The following SLC24A2 variants were observed in gnomAD, a reference collection of about 807,000 sequenced individuals.
SLC24A2 encodes the protein sodium/potassium/calcium exchanger 2.
In SLC24A2, 36 loss-of-function variants were observed where a neutral mutation model predicts 62.0. The observed-to-expected ratio is 0.58, with a 90% CI of 0.44 to 0.77. SLC24A2 has a LOEUF of 0.77. Ranked by LOEUF, SLC24A2 falls within the 30% of genes least tolerant of loss-of-function variation. SLC24A2 has a pLI of 0.00. For synonymous variants in SLC24A2, 358 were observed against 294.0 expected (o/e 1.22, Z -2.23); for missense variants, 846 against 817.9 (o/e 1.03, Z -0.42).
the SLC24A2 span, among the ~76,000 whole-genome samples, chr9:19,979,425 G>A: frequency 6.6e-6 from 1 of 152,128 alleles, no homozygotes; most frequent in African/African-American, 2.4e-5. Context: ...TACACACATG[G>A]ATTTGGATAC....
At chr9:19,549,910 G>C (rs919598686) in intron 8 of SLC24A2, among the ~76,000 whole-genome samples, 3 of 152,170 alleles carry the variant, frequency 2.0e-5, no homozygotes, top group South Asian at 4.1e-4. Context: ...GTGTGATTGT[G>C]TGTCTGCTCA....
intron 9 of SLC24A2, among the ~76,000 whole-genome samples, chr9:19,526,123 G>A (rs1388314332): frequency 3.3e-5 from 5 of 151,986 alleles, no homozygotes; most frequent in Non-Finnish European, 2.9e-5. Context: ...TTTTGTAACT[G>A]GCTTTTTTCA....
chr9:20,255,924 A>G, the SLC24A2 span, among the ~76,000 whole-genome samples: 101,396 of 152,144 alleles, frequency 0.67, 36,340 homozygotes, highest in East Asian at 0.95. Flanking sequence ...ACTACAGACC[A>G]GGTAACTGAT....
intron 5 of SLC24A2, among the ~76,000 whole-genome samples, chr9:19,595,090 G>A (rs561526617): frequency 5.3e-5 from 8 of 152,208 alleles, no homozygotes; most frequent in African/African-American, 9.6e-5. Flanking sequence ...TTCAACCAGC[G>A]TTTCCACAAA....
chr9:20,124,306 T>TA, the SLC24A2 span, among the ~76,000 whole-genome samples: 298 of 140,386 alleles, frequency 2.1e-3, 1 homozygote, highest in African/African-American at 6.5e-3. Context: ...CCCAAAAGCT[T>TA]AAAAAAAAAA....
At chr9:19,764,874 A>C (rs1251636593) in intron 2 of SLC24A2, among the ~76,000 whole-genome samples, 2 of 151,702 alleles carry the variant, frequency 1.3e-5, no homozygotes, top group African/African-American at 2.4e-5. Context: ...TGTCTCATTG[A>C]TCTAATATTG....
intron 10 of SLC24A2, among the ~76,000 whole-genome samples, chr9:19,518,156 T>C: frequency 6.6e-6 from 1 of 152,192 alleles, no homozygotes; most frequent in East Asian, 1.9e-4. Flanking sequence ...AATAAAAAGC[T>C]GAGTATCTCT....
intron 2 of SLC24A2, among the ~76,000 whole-genome samples, chr9:19,777,413 G>T (rs1305146313): frequency 1.3e-5 from 2 of 152,164 alleles, no homozygotes; most frequent in African/African-American, 4.8e-5. Flanking sequence ...GATAAGCCTT[G>T]ACCCAGAAAT....
chr9:19,621,201 G>C (rs1817900458), intron 3 of SLC24A2, among the ~76,000 whole-genome samples: 1 of 152,182 alleles, frequency 6.6e-6, no homozygotes, highest in Admixed American at 6.5e-5. Flanking sequence ...GAAAGTATGA[G>C]TAAAATATCA....
the SLC24A2 span, among the ~76,000 whole-genome samples, chr9:20,205,945 T>C: frequency 2.6e-5 from 4 of 152,318 alleles, no homozygotes; most frequent in South Asian, 8.3e-4. Context: ...ATATTTATAC[T>C]GTATTTATAT....
chr9:19,648,488 T>TA (rs1818706498), intron 2 of SLC24A2, among the ~76,000 whole-genome samples: 1 of 152,098 alleles, frequency 6.6e-6, no homozygotes, highest in Non-Finnish European at 1.5e-5. Context: ...TCAATTTGGC[T>TA]AAAACTAGAA....
chr9:20,063,035 C>A, the SLC24A2 span, among the ~76,000 whole-genome samples: 4,195 of 117,198 alleles, frequency 0.036, 226 homozygotes, highest in South Asian at 0.099. Flanking sequence ...CACTTTTACA[C>A]TGTTGGTGGG....
At chr9:19,861,429 A>C in the SLC24A2 span, among the ~76,000 whole-genome samples, 1 of 152,192 alleles carries the variant, frequency 6.6e-6, no homozygotes, top group Admixed American at 6.5e-5. Context: ...CTAATGCCCA[A>C]GTCCTTTCAA....
the SLC24A2 span, among the ~76,000 whole-genome samples, chr9:20,167,964 A>G: frequency 1.3e-5 from 2 of 151,834 alleles, no homozygotes; most frequent in African/African-American, 4.8e-5. Context: ...GTACCTGTCA[A>G]TAGCTGGAAA....
the SLC24A2 span, among the ~76,000 whole-genome samples, chr9:20,145,946 C>G: frequency 1.7e-3 from 77 of 46,444 alleles, no homozygotes; most frequent in South Asian, 0.01. Flanking sequence ...TATATCTTGT[C>G]AAGTCAGTAC....
the SLC24A2 span, among the ~76,000 whole-genome samples, chr9:20,113,102 T>G: frequency 6.6e-6 from 1 of 152,172 alleles, no homozygotes. Context: ...AACCCTCTTT[T>G]GCAATGCAGT....
Position 19,636,394 on chromosome 9 carries a change from T to TCC in SLC24A2, c.931-14096_931-14095insGG, listed in dbSNP as rs1564010086. ...TTCTTTCTTTCTTTCTTTCTCCCTCTCTCTCTCTCTCTCTTTCTTTCTTTC... is the reference window on the plus strand; with the variant it reads ...TTCTTTCTTTCTTTCTTTCTCCCTCTCCCTCTCTCTCTCTCTTTCTTTCTTTC... On this transcript the variant is annotated intron_variant, in intron 2 of 10. Transcript: ENST00000341998. Among the ~76,000 whole-genome samples the TCC allele has an allele frequency of 5.3e-3, 509 of 96,394 alleles. 56 individuals carry two copies. The highest frequency in any genetic ancestry group is 0.025 in the African/African-American group (485 of 19,446). The allele number at this position is 96,394 out of a possible 152,430, so 63.2% of individuals were successfully genotyped here. A position where few individuals can be genotyped will look rare whatever the true frequency, so the allele number is the denominator to read the frequency against.
At chr9:19,917,892 G>C in the SLC24A2 span, among the ~76,000 whole-genome samples, 1 of 152,040 alleles carries the variant, frequency 6.6e-6, no homozygotes, top group African/African-American at 2.4e-5. Flanking sequence ...TATTATATAA[G>C]TGTGGACAAA....
the SLC24A2 span, among the ~76,000 whole-genome samples, chr9:20,279,468 A>T: frequency 6.6e-6 from 1 of 152,204 alleles, no homozygotes; most frequent in South Asian, 2.1e-4. Flanking sequence ...GAGGCGGAGG[A>T]TGCAGAGAGC....
Sources: allele counts gnomAD v4.1 joint callset (sites outside exome capture counted in the v4.1 genomes callset), GRCh38; gene constraint gnomAD v4.1.1; transcripts MANE v1.5; gene names NCBI Gene and HGNC (gene_info 2026-07-23, HGNC 2026-07-21).